RALGAPB: variants seen among roughly 807,000 people sequenced by gnomAD.
RALGAPB encodes Ral GTPase activating protein non-catalytic subunit beta.
In RALGAPB, 25 loss-of-function variants were observed where a neutral mutation model predicts 161.1. That is an observed-to-expected ratio of 0.16 (90% CI 0.11 to 0.22). RALGAPB has a LOEUF of 0.22. Ranked by LOEUF, RALGAPB falls within the 10% of genes least tolerant of loss-of-function variation. RALGAPB has a pLI of 1.00. For synonymous variants in RALGAPB, 629 were observed against 626.1 expected (o/e 1.00, Z -0.07); for missense variants, 1,391 against 1,815.2 (o/e 0.77, Z 4.25).
chr20:38,564,140 C>T (rs980134776), intron 24 of RALGAPB, among the ~76,000 whole-genome samples: 3 of 152,202 alleles, frequency 2.0e-5, no homozygotes, highest in Admixed American at 6.5e-5. Flanking sequence ...GATAGAGTGG[C>T]TATTGGGATA....
Position 38,575,166 on chromosome 20 carries a change from A to G in RALGAPB, c.*199A>G, listed in dbSNP as rs2088391720. On this transcript the variant is annotated 3_prime_UTR_variant, in exon 30 of 30. Coordinates refer to ENST00000262879, the MANE Select transcript of RALGAPB (RefSeq NM_020336.4). ...CTAGTGAAATGGGCTCCCAGACACA[A>G]TCACACTCCTGCTGATAATGATGAT... 7 of 562,594 alleles carry G rather than the reference A, an allele frequency of 1.2e-5. No individual in the cohort carries two copies. The highest frequency in any genetic ancestry group is 9.4e-5 in the South Asian group (4 of 42,414). 34.9% of individuals were successfully genotyped at this position (562,594 alleles called of 1,614,324 possible).
chr20:38,562,748 G>GTTT, intron 24 of RALGAPB, 51 bp downstream of exon 24: 5 of 1,221,566 alleles, frequency 4.1e-6, no homozygotes, highest in South Asian at 1.7e-5. Flanking sequence ...TGTTAGTCTT[G>GTTT]TTTTTTTTTT....
At chr20:38,566,735 G>A (rs781023059) in intron 25 of RALGAPB, among the ~76,000 whole-genome samples, 2 of 152,142 alleles carry the variant, frequency 1.3e-5, no homozygotes, top group Non-Finnish European at 2.9e-5. Context: ...AGTAATAATG[G>A]CATTTATTAT....
chr20:38,553,777 C>CAAA (rs35778032), intron 21 of RALGAPB, 90 bp from the exon 22 acceptor site: 15,541 of 266,042 alleles, frequency 0.058, 272 homozygotes, highest in Middle Eastern at 0.092. Flanking sequence ...AGCCCAGTCT[C>CAAA]AAAAAAAAAA....
intron 10 of RALGAPB, among the ~76,000 whole-genome samples, chr20:38,524,067 C>T (rs1395318753): frequency 6.6e-6 from 1 of 152,128 alleles, no homozygotes; most frequent in Non-Finnish European, 1.5e-5. Context: ...AGAAGAGAAA[C>T]TCACCTCACA....
intron 15 of RALGAPB, among the ~76,000 whole-genome samples, chr20:38,533,243 G>T (rs895383522): frequency 2.0e-5 from 3 of 152,132 alleles, no homozygotes; most frequent in Non-Finnish European, 4.4e-5. Context: ...GGTAATGGGG[G>T]ATGGATTAGA....
At chr20:38,545,343 ATAT>A (rs1356121617) in intron 18 of RALGAPB, among the ~76,000 whole-genome samples, 2 of 152,206 alleles carry the variant, frequency 1.3e-5, no homozygotes, top group Non-Finnish European at 2.9e-5. Flanking sequence ...AATTGTTGTG[ATAT>A]TATGATACTA....
intron 16 of RALGAPB, 26 bp from the exon 17 acceptor site, chr20:38,539,744 ATTGTTT>A (rs755873393): frequency 6.2e-7 from 1 of 1,600,596 alleles, no homozygotes. Context: ...TTCCTGGCTG[ATTGTTT>A]TTGTTCTCCA....
intron 22 of RALGAPB, among the ~76,000 whole-genome samples, chr20:38,556,247 T>G (rs17753146): frequency 0.094 from 14,374 of 152,192 alleles, 940 homozygotes; most frequent in Non-Finnish European, 0.14. Flanking sequence ...GTCAATGACG[T>G]TTTTTAAACT....
At chr20:38,476,303 T>C (rs1038785559) in intron 1 of RALGAPB, among the ~76,000 whole-genome samples, 1 of 152,182 alleles carries the variant, frequency 6.6e-6, no homozygotes, top group African/African-American at 2.4e-5. Flanking sequence ...GCAAAGACTT[T>C]TTGGGCAGAA....
At chr20:38,488,659 C>A (rs777825691) in intron 2 of RALGAPB, 41 bp downstream of exon 2, 4 of 1,542,848 alleles carry the variant, frequency 2.6e-6, no homozygotes, top group Non-Finnish European at 3.5e-6. Context: ...TGAAAATGTA[C>A]ATTTGTTCTT....
At chr20:38,562,430 T>A in intron 23 of RALGAPB, 102 bp from the exon 24 acceptor site, 1 of 984,506 alleles carries the variant, frequency 1.0e-6, no homozygotes, top group African/African-American at 1.7e-5. Flanking sequence ...AGCTTGGACA[T>A]GATTTGTCAG....
At chr20:38,535,269 A>G (rs2086770392) in intron 16 of RALGAPB, 62 bp downstream of exon 16, 1 of 1,556,172 alleles carries the variant, frequency 6.4e-7, no homozygotes, top group Non-Finnish European at 8.8e-7. Flanking sequence ...TTTTTTCTGT[A>G]TCTCTTAACC....
At chr20:38,520,497 C>T (rs2086254654) in intron 9 of RALGAPB, among the ~76,000 whole-genome samples, 1 of 145,064 alleles carries the variant, frequency 6.9e-6, no homozygotes, top group Non-Finnish European at 1.5e-5. Flanking sequence ...TCATGAATTC[C>T]AGGACTTTGC....
At chr20:38,522,296 A>G (rs549835315) in intron 10 of RALGAPB, among the ~76,000 whole-genome samples, 32 of 152,344 alleles carry the variant, frequency 2.1e-4, no homozygotes, top group Admixed American at 7.2e-4. Context: ...CTCCAAATCT[A>G]TGGCTTCAGC....
intron 1 of RALGAPB, among the ~76,000 whole-genome samples, chr20:38,477,275 T>C (rs929009495): frequency 2.0e-5 from 3 of 152,128 alleles, no homozygotes; most frequent in Non-Finnish European, 4.4e-5. Context: ...TTACATGAAA[T>C]AGCTGCTGTA....
chr20:38,523,240 C>G (rs1003196031), intron 10 of RALGAPB, among the ~76,000 whole-genome samples: 2 of 152,138 alleles, frequency 1.3e-5, no homozygotes, highest in Non-Finnish European at 2.9e-5. Context: ...TAATTATAGA[C>G]TCCTGGGAAG....
In RALGAPB at chr20:38,480,085, G is replaced by A. The variant is rs191419021; in HGVS notation, c.-31+7016G>A. On this transcript the variant is annotated intron_variant, in intron 1 of 29. Transcript: ENST00000262879. The stretch of plus-strand genomic sequence containing the variant: ...CATCCTCCACCTCCTGGGTTCAAAC[G>A]ATTATCATGCCTCAGGTTCCCGAAT... Among the ~76,000 whole-genome samples the A allele has an allele frequency of 2.3e-3, 356 of 151,956 alleles. 2 individuals carry two copies. Among genetic ancestry groups the A allele is most frequent in the Non-Finnish European group, 3.7e-3 (253 of 67,978 alleles).
At chr20:38,565,733 TTAATC>T (rs1397185243) in intron 25 of RALGAPB, among the ~76,000 whole-genome samples, 1 of 152,220 alleles carries the variant, frequency 6.6e-6, no homozygotes. Flanking sequence ...TTTGCTTTCT[TTAATC>T]TAATTAATCA....
Sources: gnomAD v4.1 joint callset for allele counts (sites outside exome capture counted in the v4.1 genomes callset) on GRCh38, gnomAD v4.1.1 for gene constraint, MANE v1.5 for transcripts, NCBI Gene and HGNC (gene_info 2026-07-23, HGNC 2026-07-21) for gene names.